Variants in TENM2 observed in about 807,000 individuals in gnomAD.
TENM2 encodes teneurin-2.
In TENM2, 52 loss-of-function variants were observed where a neutral mutation model predicts 245.2. That is an observed-to-expected ratio of 0.21 (90% confidence interval 0.17 to 0.27). TENM2 has a LOEUF of 0.27. Among genes scored for constraint, TENM2 ranks in the 10% least tolerant of loss-of-function variants. The probability of loss-of-function intolerance (pLI) is 1.00; values close to 1 mark genes in which losing one functional copy is unlikely to be tolerated. For synonymous variants in TENM2, 1,363 were observed against 1,438.9 expected, an observed-to-expected ratio of 0.95 and a Z score of 1.19; for missense variants, 3,046 against 3,666.8, an observed-to-expected ratio of 0.83 and a Z score of 4.37.
At chr5:167,374,100 G>A (rs563729712) in intron 1 of TENM2, among the ~76,000 whole-genome samples, 4 of 152,268 alleles carry the variant, frequency 2.6e-5, no homozygotes, top group Non-Finnish European at 5.9e-5. Context: ...CTAGGATGCT[G>A]ATTTCAGTGA....
rs34627950 is a variant in TENM2 at position 168,204,445 on chromosome 5, C to T, written c.3648C>T (p.Gly1216=). The change falls in exon 19 of 29, where the codon GGC becomes GGT. Residue 1216 remains glycine, a synonymous_variant. Coordinates refer to ENST00000518659, the Ensembl canonical transcript of TENM2. ...CTGCCATCATCACCAGCATCATGGGCAATGGTCGCCGCCGGAGCATTTCCT... is the reference window on the plus strand; with the variant it reads ...CTGCCATCATCACCAGCATCATGGGTAATGGTCGCCGCCGGAGCATTTCCT... The T allele has an allele frequency of 8.7e-6, 14 of 1,613,878 alleles. No homozygotes were observed. The East Asian group carries it at 2.0e-4, about 23-fold the overall frequency.
chr5:167,600,351 G>A, intron 2 of TENM2, among the ~76,000 whole-genome samples: 1 of 151,930 alleles, frequency 6.6e-6, no homozygotes. Flanking sequence ...AAAGCATTTA[G>A]TGTGATGTAC....
intron 2 of TENM2, among the ~76,000 whole-genome samples, chr5:167,414,548 A>C (rs1306977712): frequency 6.6e-6 from 1 of 152,040 alleles, no homozygotes; most frequent in Non-Finnish European, 1.5e-5. Flanking sequence ...TGATTTATGG[A>C]GGTAGTAGGG....
chr5:167,332,860 C>T (rs1757540829), intron 1 of TENM2, among the ~76,000 whole-genome samples: 1 of 152,104 alleles, frequency 6.6e-6, no homozygotes, highest in Admixed American at 6.5e-5. Flanking sequence ...TATAGAGACA[C>T]ACTTATCAAG....
chr5:167,529,305 C>T, intron 2 of TENM2, among the ~76,000 whole-genome samples: 1 of 152,120 alleles, frequency 6.6e-6, no homozygotes, highest in Non-Finnish European at 1.5e-5. Flanking sequence ...TGCTTCAGAA[C>T]AGTGACTCTT....
chr5:167,847,159 C>T (rs1044133229), intron 2 of TENM2, among the ~76,000 whole-genome samples: 3 of 152,168 alleles, frequency 2.0e-5, no homozygotes, highest in African/African-American at 7.2e-5. Flanking sequence ...CACTATGTTG[C>T]CCAAGTTGAT....
the TENM2 span, among the ~76,000 whole-genome samples, chr5:166,993,438 A>C: frequency 6.6e-6 from 1 of 152,230 alleles, no homozygotes; most frequent in East Asian, 1.9e-4. Context: ...AGAGCCCACT[A>C]ATAGCTCAGC....
intron 2 of TENM2, among the ~76,000 whole-genome samples, chr5:167,807,519 T>A (rs1404053095): frequency 6.6e-6 from 1 of 152,084 alleles, no homozygotes; most frequent in East Asian, 1.9e-4. Context: ...GAAGGCTATG[T>A]AGCAAAACTA....
rs556854361 is a variant in TENM2 at position 168,179,674 on chromosome 5, C to T, written c.2570-10663C>T. Among the ~76,000 whole-genome samples the T allele has an allele frequency of 3.9e-5, 6 of 152,292 alleles. No individual in the cohort carries two copies. The South Asian group carries it at 1.2e-3, about 32-fold the overall frequency. ...TACATGGCAGCTTTGTGTAGGATTT[C>T]GTTCCAGAGTGCAGCAAACAGGGTC... On this transcript the variant is annotated intron_variant, in intron 13 of 28. Coordinates refer to ENST00000518659, the Ensembl canonical transcript of TENM2.
intron 2 of TENM2, among the ~76,000 whole-genome samples, chr5:167,583,503 C>CACACACACACAA (rs1402820881): frequency 2.6e-5 from 4 of 151,600 alleles, no homozygotes; most frequent in Admixed American, 2.0e-4. Flanking sequence ...CACACACACA[C>CACACACACACAA]ACACACACCC....
chr5:167,932,845 C>T (rs972314047), intron 3 of TENM2, among the ~76,000 whole-genome samples: 1 of 152,132 alleles, frequency 6.6e-6, no homozygotes, highest in Admixed American at 6.5e-5. Flanking sequence ...ATCGTTTGCC[C>T]GTTTGCCAAC....
At chr5:168,256,572 C>T (rs377083902) in intron 27 of TENM2, among the ~76,000 whole-genome samples, 9 of 152,164 alleles carry the variant, frequency 5.9e-5, no homozygotes, top group African/African-American at 1.7e-4. Context: ...ATTACAGCTG[C>T]GTGCACCACG....
chr5:167,871,714 C>T (rs1361875095), intron 2 of TENM2, among the ~76,000 whole-genome samples: 2 of 152,136 alleles, frequency 1.3e-5, no homozygotes, highest in African/African-American at 4.8e-5. Context: ...AGACTCTATA[C>T]TCATTCAAAA....
intron 1 of TENM2, among the ~76,000 whole-genome samples, chr5:167,314,775 A>G (rs561000539): frequency 5.9e-4 from 90 of 152,220 alleles, no homozygotes; most frequent in Non-Finnish European, 1.2e-3. Flanking sequence ...TGCTACATGT[A>G]GCCTTAATAT....
intron 2 of TENM2, among the ~76,000 whole-genome samples, chr5:167,436,130 C>A (rs750800952): frequency 6.6e-6 from 1 of 151,714 alleles, no homozygotes; most frequent in Non-Finnish European, 1.5e-5. Flanking sequence ...AGTTGCCCAC[C>A]ACCACACCCG....
intron 2 of TENM2, among the ~76,000 whole-genome samples, chr5:167,718,882 C>T (rs755457303): frequency 6.6e-6 from 1 of 152,014 alleles, no homozygotes; most frequent in Non-Finnish European, 1.5e-5. Context: ...TACTACTGCC[C>T]ATTTTTCAGC....
chr5:168,202,564 A>T (rs1039948145), intron 17 of TENM2, among the ~76,000 whole-genome samples: 1 of 150,462 alleles, frequency 6.6e-6, no homozygotes, highest in Non-Finnish European at 1.5e-5. Flanking sequence ...TGCTCCAGCC[A>T]TTTCTTCCAG....
the TENM2 span, among the ~76,000 whole-genome samples, chr5:167,203,034 T>C: frequency 2.9e-3 from 435 of 152,306 alleles, 4 homozygotes; most frequent in African/African-American, 9.1e-3. Context: ...ACATCTTACC[T>C]ATAAAGGGAG....
chr5:167,058,501 G>C, the TENM2 span, among the ~76,000 whole-genome samples: 1 of 152,190 alleles, frequency 6.6e-6, no homozygotes, highest in South Asian at 2.1e-4. Flanking sequence ...GCTTATGCCT[G>C]TTATCCCAGC....
Sources: allele counts gnomAD v4.1 joint callset (sites outside exome capture counted in the v4.1 genomes callset), GRCh38; gene constraint gnomAD v4.1.1; transcripts MANE v1.5; gene names NCBI Gene and HGNC (gene_info 2026-07-23, HGNC 2026-07-21).